Variants in SH3TC1 observed in about 807,000 individuals in gnomAD.
The protein encoded by SH3TC1 is SH3 domain and tetratricopeptide repeat-containing protein 1.
A neutral mutation model predicts 117.3 loss-of-function variants in SH3TC1; 135 were observed. The ratio of observed to expected loss-of-function variants is 1.15; its 90% CI spans 1.00 to 1.33. The LOEUF (loss-of-function observed/expected upper bound fraction) is 1.33, where lower values mean the gene tolerates loss of function less well. SH3TC1 is among the 40% of genes most tolerant of loss of function. SH3TC1 has a pLI of 0.00. For synonymous variants in SH3TC1, 898 were observed against 816.9 expected (o/e 1.10, Z -1.69); for missense variants, 2,092 against 1,794.3 (o/e 1.17, Z -3.00).
At chr4:8,203,797 T>C (rs1156460483) in intron 1 of SH3TC1, among the ~76,000 whole-genome samples, 5 of 152,094 alleles carry the variant, frequency 3.3e-5, no homozygotes, top group Non-Finnish European at 7.4e-5. Flanking sequence ...GTCCAGGGCC[T>C]CCTGCCTCCC....
rs1291796314 is a variant in SH3TC1 at position 8,186,812 on chromosome 4, C to T, written c.-57+4602C>T. Reference sequence around the variant, plus strand: ...TACAAAAATTAGCTGGGCGTGGTGGCGGGCACCTGTAATCCCAGCTACTCG... The same window carrying T: ...TACAAAAATTAGCTGGGCGTGGTGGTGGGCACCTGTAATCCCAGCTACTCG... On this transcript the variant is annotated intron_variant, in intron 1 of 16. Coordinates refer to the SH3TC1 transcript ENST00000508641. This position sits in a 1 kb window ranked among gnomAD's most constrained non-coding sequence, Gnocchi z 5.2. 1.3e-5 allele frequency among the ~76,000 whole-genome samples: 2 copies of T among 151,830 alleles called. No homozygotes were observed. The highest frequency in any genetic ancestry group is 2.9e-5 in the Non-Finnish European group (2 of 67,962).
chr4:8,210,434 C>T lies in SH3TC1; in HGVS notation c.247+612C>T, dbSNP rs1259161682. On this transcript the variant is annotated intron_variant, in intron 3 of 17. Transcript: ENST00000245105. This position sits in a 1 kb window ranked among gnomAD's most constrained non-coding sequence, Gnocchi z 4.1. Reference sequence around the variant, plus strand: ...GTGGTCAGCACTGCTGGTGGCCACTCGGGATGACCAGGACGCATTAGGCAA... The same window carrying T: ...GTGGTCAGCACTGCTGGTGGCCACTTGGGATGACCAGGACGCATTAGGCAA... 2.0e-5 allele frequency among the ~76,000 whole-genome samples: 3 copies of T among 152,328 alleles called. No individual in the cohort carries two copies. Among genetic ancestry groups the T allele is most frequent in the South Asian group, 2.1e-4 (1 of 4,830 alleles).
chr4:8,203,472 C>T, intron 1 of SH3TC1, among the ~76,000 whole-genome samples: 1 of 152,010 alleles, frequency 6.6e-6, no homozygotes, highest in Non-Finnish European at 1.5e-5. Flanking sequence ...TTGACCGCCT[C>T]TGGGTTTTCA....
intron 1 of SH3TC1, among the ~76,000 whole-genome samples, chr4:8,203,752 CA>C (rs1717989722): frequency 6.6e-6 from 1 of 152,012 alleles, no homozygotes; most frequent in Non-Finnish European, 1.5e-5. Flanking sequence ...TTGAAGCTCC[CA>C]GGGGTGCCTC....
chr4:8,216,343 T>C, intron 6 of SH3TC1, 86 bp downstream of exon 6: 2 of 1,523,030 alleles, frequency 1.3e-6, no homozygotes, highest in East Asian at 4.7e-5. Flanking sequence ...CCCGCTGTGC[T>C]GAGCATGTCT....
intron 1 of SH3TC1, among the ~76,000 whole-genome samples, chr4:8,193,186 G>T (rs561436874): frequency 1.4e-4 from 22 of 152,190 alleles, no homozygotes; most frequent in Admixed American, 5.9e-4. Flanking sequence ...CTTCTAGAAC[G>T]ACCTTGGAGG....
chr4:8,191,412 C>T (rs1280298543), intron 1 of SH3TC1, among the ~76,000 whole-genome samples: 1 of 152,228 alleles, frequency 6.6e-6, no homozygotes, highest in East Asian at 1.9e-4. Flanking sequence ...GGGTGGCCAT[C>T]AGTCATCTGG....
Position 8,210,323 on chromosome 4 carries a change from G to T in SH3TC1, c.247+501G>T, listed in dbSNP as rs1036855595. Among the ~76,000 whole-genome samples, 4 of 152,232 alleles carry T rather than the reference G, an allele frequency of 2.6e-5. No homozygotes were observed. The highest frequency in any genetic ancestry group is 7.2e-5 in the African/African-American group (3 of 41,470). On this transcript the variant is annotated intron_variant, in intron 3 of 17. Coordinates refer to ENST00000245105, the MANE Select transcript of SH3TC1 (RefSeq NM_018986.5). This position sits in a 1 kb window ranked among gnomAD's most constrained non-coding sequence, Gnocchi z 4.1. ...TACCCTGGAGACCCCCCAACCCCCC[G>T]CTGGGGAGGAATGGAGACCCCAGCA...
intron 16 of SH3TC1, 116 bp from the exon 17 acceptor site, chr4:8,237,358 G>C: frequency 1.2e-6 from 1 of 828,648 alleles, no homozygotes; most frequent in Non-Finnish European, 1.8e-6. Context: ...GGAAGGGACT[G>C]GCCAGAACTG....
Position 8,237,491 on chromosome 4 carries a change from C to A in SH3TC1, c.3574C>A (p.Arg1192Ser), listed in dbSNP as rs6845630. ...SITLGDRLNE[R>S]VAYHRLAALQ... Reference sequence around the variant, plus strand: ...CACCCCAGGGGACCGGCTGAACGAGCGCGTGGCCTACCACCGGCTGGCCGC... The same window carrying A: ...CACCCCAGGGGACCGGCTGAACGAGAGCGTGGCCTACCACCGGCTGGCCGC... Residue 1192 changes from arginine (R) to serine (S), a missense_variant, in exon 17 of 18, where the codon CGC becomes AGC. Physicochemically the swap from Arg to Ser is moderately radical, Grantham distance 110. Transcript: ENST00000245105. The A allele has an allele frequency of 6.3e-7, 1 of 1,592,174 alleles. No individual in the cohort carries two copies. The highest frequency in any genetic ancestry group is 1.9e-4 in the Middle Eastern group (1 of 5,190).
At chr4:8,198,247 T>C (rs979189138), upstream of SH3TC1, among the ~76,000 whole-genome samples, 6 of 152,220 alleles carry the variant, frequency 3.9e-5, no homozygotes, top group African/African-American at 1.4e-4. Flanking sequence ...CATGTCACAT[T>C]ACCTCCCTGA....
intron 12 of SH3TC1, among the ~76,000 whole-genome samples, chr4:8,230,782 GCT>G (rs1491280748): frequency 2.5e-5 from 2 of 79,264 alleles, no homozygotes; most frequent in East Asian, 8.0e-4. Context: ...GATATGCTGT[GCT>G]TTTTTTTTTT....
At chr4:8,220,199 C>G (rs1000523138) in intron 9 of SH3TC1, among the ~76,000 whole-genome samples, 2 of 152,202 alleles carry the variant, frequency 1.3e-5, no homozygotes, top group African/African-American at 4.8e-5. Context: ...CCAGTACACA[C>G]GTCGCTCTCC....
At chr4:8,229,432 ATGGGGGTGAGTGAG>A (rs1720912586) in intron 12 of SH3TC1, among the ~76,000 whole-genome samples, 1 of 101,862 alleles carries the variant, frequency 9.8e-6, no homozygotes, top group Non-Finnish European at 1.9e-5. Flanking sequence ...TGGGGGTGTG[ATGGGGGTGAGTGAG>A]CAGGGGGTGA....
intron 14 of SH3TC1, among the ~76,000 whole-genome samples, chr4:8,234,512 TGTCCATCCGTCC>T (rs1261026778): frequency 8.0e-5 from 12 of 150,426 alleles, no homozygotes; most frequent in South Asian, 4.2e-4. Flanking sequence ...TCCATTCATC[TGTCCATCCGTCC>T]GTCCATCCAT....
At position 8,217,269 on chromosome 4, in the gene SH3TC1, C is replaced by T. The variant is rs939070169; in HGVS notation, c.839+102C>T. The T allele has an allele frequency of 6.4e-6, 9 of 1,403,932 alleles. No individual in the cohort carries two copies. The African/African-American group carries it at 1.3e-4, about 20-fold the overall frequency. 87.0% of individuals were successfully genotyped at this position (1,403,932 alleles called of 1,614,324 possible). On this transcript the variant is annotated intron_variant, in intron 7 of 17. Transcript: ENST00000245105. ...GGGGATGGACAGGGAATGGTGGGGG[C>T]CCCGGACAGACCTGGCCATGGCCTT...
At position 8,205,784 on chromosome 4, in the gene SH3TC1, C is replaced by G. The variant is rs1718157047; in HGVS notation, c.172+418C>G. ...GAGGGAAGGGCCGGGCCAGGCCACC[C>G]TGTGGTCAGGGGCCGGGCCAGGACG... On this transcript the variant is annotated intron_variant, in intron 2 of 17. Coordinates refer to ENST00000245105, the MANE Select transcript of SH3TC1 (RefSeq NM_018986.5). This position sits in a 1 kb window ranked among gnomAD's most constrained non-coding sequence, Gnocchi z 5.4. The G allele has an allele frequency of 1.6e-6, 1 of 629,442 alleles. No homozygotes were observed. Among genetic ancestry groups the G allele is most frequent in the South Asian group, 1.8e-5 (1 of 55,784 alleles). The allele number at this position is 629,442 out of a possible 1,614,324, so 39.0% of individuals were successfully genotyped here.
At chr4:8,199,497 G>C (rs576539614) in intron 1 of SH3TC1, 92 bp downstream of exon 1, 1 of 152,366 alleles carries the variant, frequency 6.6e-6, no homozygotes, top group South Asian at 2.1e-4. Context: ...ACACTTTCTT[G>C]AGGACTTTTC....
intron 1 of SH3TC1, among the ~76,000 whole-genome samples, chr4:8,188,307 T>C (rs1437333385): frequency 1.3e-5 from 2 of 152,214 alleles, no homozygotes; most frequent in African/African-American, 4.8e-5. Flanking sequence ...AGTAGGCATC[T>C]GACTCATCCA....
Sources: gnomAD v4.1 joint callset for allele counts (sites outside exome capture counted in the v4.1 genomes callset) on GRCh38, gnomAD v4.1.1 for gene constraint, Gnocchi (gnomAD v3.1) non-coding constraint, MANE v1.5 for transcripts, NCBI Gene and HGNC (gene_info 2026-07-23, HGNC 2026-07-21) for gene names.